ZFYVE26: variants seen among roughly 807,000 people sequenced by gnomAD.
ZFYVE26 encodes the protein zinc finger FYVE-type containing 26.
In ZFYVE26, 181 loss-of-function variants were observed where a neutral mutation model predicts 276.5. That is an observed-to-expected ratio of 0.65 (90% CI 0.58 to 0.74). ZFYVE26 has a LOEUF of 0.74. Among genes scored for constraint, ZFYVE26 ranks in the 30% least tolerant of loss-of-function variants. The pLI is 0.00. For synonymous variants in ZFYVE26, 1,129 were observed against 1,203.1 expected, an observed-to-expected ratio of 0.94 and a Z score of 1.27; for missense variants, 2,821 against 3,097.9, an observed-to-expected ratio of 0.91 and a Z score of 2.12.
intron 13 of ZFYVE26, among the ~76,000 whole-genome samples, chr14:67,732,606 C>T (rs886290477): frequency 2.7e-5 from 4 of 150,670 alleles, no homozygotes; most frequent in Non-Finnish European, 5.9e-5. Flanking sequence ...GACGGAGTTT[C>T]GGTCTTGTCG....
chr14:67,799,723 A>T, intron 10 of ZFYVE26: 1 of 790,094 alleles, frequency 1.3e-6, no homozygotes, highest in Non-Finnish European at 2.1e-6. Flanking sequence ...GTGTCTTTCC[A>T]GCCTGAATTT....
At chr14:67,805,894 G>A (rs535898857) in intron 6 of ZFYVE26, among the ~76,000 whole-genome samples, 3 of 152,276 alleles carry the variant, frequency 2.0e-5, no homozygotes, top group Non-Finnish European at 2.9e-5. Flanking sequence ...CGGCATGGTG[G>A]CACATGCCTG....
At chr14:67,788,810 TG>T (rs2140231558) in intron 16 of ZFYVE26, among the ~76,000 whole-genome samples, 1 of 152,274 alleles carries the variant, frequency 6.6e-6, no homozygotes, top group Non-Finnish European at 1.5e-5. Flanking sequence ...GTCCTTCCAA[TG>T]TTTGGTGCAA....
chr14:67,812,182 A>G (rs1490788524), intron 3 of ZFYVE26, among the ~76,000 whole-genome samples: 1 of 152,128 alleles, frequency 6.6e-6, no homozygotes, highest in Non-Finnish European at 1.5e-5. Flanking sequence ...GTGGTATAGT[A>G]TTTTACATAT....
intron 32 of ZFYVE26, among the ~76,000 whole-genome samples, chr14:67,765,997 C>G (rs948941205): frequency 6.6e-6 from 1 of 152,104 alleles, no homozygotes; most frequent in African/African-American, 2.4e-5. Flanking sequence ...AGAGTAAACT[C>G]TGCTTTGAGG....
Position 67,807,871 on chromosome 14 carries a change from C to A in ZFYVE26, c.413G>T (p.Gly138Val). 1 of 1,613,972 alleles carries A rather than the reference C, an allele frequency of 6.2e-7. No individual in the cohort carries two copies. Among genetic ancestry groups the A allele is most frequent in the Non-Finnish European group, 8.5e-7 (1 of 1,179,894 alleles). ...TQGAVGHVPD[G>V]NPRRESWTPR... Reference sequence around the variant, plus strand: ...AGTCCAGCTCTCCCTCCTTGGATTTCCGTCAGGCACGTGGCCTACTGCACC... The same window carrying A: ...AGTCCAGCTCTCCCTCCTTGGATTTACGTCAGGCACGTGGCCTACTGCACC... The change falls in exon 5 of 42, where the codon GGA becomes GTA. Residue 138 changes from glycine (G) to valine (V), a missense_variant. Gly to Val is a moderately radical substitution (Grantham distance 109, BLOSUM62 -3). Transcript: ENST00000347230.
At chr14:67,804,401 A>C (rs1004847423) in intron 8 of ZFYVE26, 137 bp from the exon 9 acceptor site, 12 of 1,164,540 alleles carry the variant, frequency 1.0e-5, no homozygotes, top group East Asian at 7.7e-5. Flanking sequence ...TCTAAATTTT[A>C]GTTGGTTTGG....
chr14:67,762,721 C>A lies in ZFYVE26; in HGVS notation c.6110G>T (p.Arg2037Met). The A allele has an allele frequency of 6.2e-7, 1 of 1,614,156 alleles. No homozygotes were observed. The highest frequency in any genetic ancestry group is 8.5e-7 in the Non-Finnish European group (1 of 1,180,046). The change falls in exon 33 of 42, where the codon AGG (arginine) becomes ATG (methionine). Residue 2037 changes from arginine to methionine, a missense_variant. Physicochemically the swap from Arg to Met is moderately conservative, Grantham distance 91 (BLOSUM62 -1). Coordinates refer to ENST00000347230, the MANE Select transcript of ZFYVE26 (RefSeq NM_015346.4). ...DQILQPAAVT[R>M]LRNQLLEAEY... Reference sequence around the variant, plus strand: ...GGCTTCCAAAAGCTGGTTCCTTAGCCTGGTTACTGCAGCTGGCTGCAAGAT... The same window carrying A: ...GGCTTCCAAAAGCTGGTTCCTTAGCATGGTTACTGCAGCTGGCTGCAAGAT...
At position 67,785,125 on chromosome 14, in the gene ZFYVE26, C is replaced by G; in HGVS notation, c.3457G>C (p.Gly1153Arg). The G allele has an allele frequency of 6.2e-7, 1 of 1,614,144 alleles. No homozygotes were observed. Among genetic ancestry groups the G allele is most frequent in the Non-Finnish European group, 8.5e-7 (1 of 1,180,026 alleles). The stretch of plus-strand genomic sequence containing the variant: ...GTGCTGCAGTAACTGAAGAAGGTGC[C>G]CAAGTAGTCCATCTGCCTGCTGCCT... Reference protein sequence around the residue: ...PSGSRQMDYLGTFFSYCSTLA... With the variant: ...PSGSRQMDYLRTFFSYCSTLA... The change falls in exon 19 of 42, where the codon GGC (glycine) becomes CGC (arginine). Residue 1153 changes from glycine to arginine, a missense_variant. Gly to Arg is a moderately radical substitution (Grantham distance 125). Coordinates refer to ENST00000347230, the MANE Select transcript of ZFYVE26 (RefSeq NM_015346.4).
At chr14:67,772,025 A>G (rs1040590919) in intron 28 of ZFYVE26, 22 bp downstream of exon 28, 2 of 1,609,072 alleles carry the variant, frequency 1.2e-6, no homozygotes, top group Admixed American at 3.4e-5. Flanking sequence ...TGAGGGTGAC[A>G]GTGGAGACCG....
intron 15 of ZFYVE26, 111 bp from the exon 16 acceptor site, chr14:67,789,709 T>C: frequency 7.2e-7 from 1 of 1,390,372 alleles, no homozygotes; most frequent in Non-Finnish European, 1.0e-6. Context: ...CTGCACAGGG[T>C]ATCTTTCATG....
chr14:67,752,677 C>T, intron 39 of ZFYVE26, 151 bp from the exon 40 acceptor site: 1 of 897,214 alleles, frequency 1.1e-6, no homozygotes, highest in Non-Finnish European at 1.8e-6. Flanking sequence ...AAACAAAAAG[C>T]AAGCGTCAAT....
At position 67,790,612 on chromosome 14, in the gene ZFYVE26, G is replaced by A; in HGVS notation, c.2715C>T (p.Gly905=). The A allele has an allele frequency of 6.2e-7, 1 of 1,614,084 alleles. No homozygotes were observed. The highest frequency in any genetic ancestry group is 2.2e-5 in the East Asian group (1 of 44,878). The change falls in exon 15 of 42, where the codon GGC becomes GGT. Residue 905 remains glycine, a synonymous_variant. Transcript: ENST00000347230. The part of the protein sequence containing the change: ...GSSTIRRTGS[G]RSTLQAIGSA... ...TGCCAATGGCCTGTAGAGTTGAGCGGCCACTGCCAGTTCTCCGAATGGTGC... is the reference window on the plus strand; with the variant it reads ...TGCCAATGGCCTGTAGAGTTGAGCGACCACTGCCAGTTCTCCGAATGGTGC...
chr14:67,790,549 T>C lies in ZFYVE26; in HGVS notation c.2755+23A>G, dbSNP rs368776930. The C allele has an allele frequency of 7.5e-4, 1,201 of 1,611,780 alleles. 3 individuals carry two copies. Among genetic ancestry groups the C allele is most frequent in the Non-Finnish European group, 6.5e-4 (763 of 1,179,174 alleles). On this transcript the variant is annotated intron_variant, in intron 15 of 41. Coordinates refer to ENST00000347230, the MANE Select transcript of ZFYVE26 (RefSeq NM_015346.4). ...CCTCTCCCAGCCACCTCACCACTTA[T>C]GGTGTTAGCAGGGAAGCCTGACCTG... is the stretch of plus-strand genomic sequence containing the variant.
Position 67,748,371 on chromosome 14 carries a change from G to A in ZFYVE26, c.*65C>T. Reference sequence around the variant, plus strand: ...CACTCCACTGGAGGAAAGAGGTGGAGGGCATCGCCATCACTGCTGTTGCCC... The same window carrying A: ...CACTCCACTGGAGGAAAGAGGTGGAAGGCATCGCCATCACTGCTGTTGCCC... On this transcript the variant is annotated 3_prime_UTR_variant, in exon 42 of 42. Coordinates refer to ENST00000347230, the MANE Select transcript of ZFYVE26 (RefSeq NM_015346.4). 6.5e-7 allele frequency: 1 copy of A among 1,546,346 alleles called. No individual in the cohort carries two copies. The highest frequency in any genetic ancestry group is 1.1e-5 in the South Asian group (1 of 87,748).
intron 12 of ZFYVE26, 118 bp from the exon 13 acceptor site, chr14:67,794,357 T>A: frequency 1.0e-6 from 1 of 987,458 alleles, no homozygotes; most frequent in Non-Finnish European, 1.6e-6. Context: ...AATGAATAAC[T>A]ATGACACCTG....
intron 3 of ZFYVE26, among the ~76,000 whole-genome samples, chr14:67,811,818 TG>T (rs1211026992): frequency 6.7e-6 from 1 of 148,220 alleles, no homozygotes; most frequent in African/African-American, 2.5e-5. Flanking sequence ...CAAATTTAAT[TG>T]GTGTATTTAG....
intron 34 of ZFYVE26, 161 bp from the exon 35 acceptor site, chr14:67,761,745 T>C (rs1270992999): frequency 1.6e-6 from 1 of 618,404 alleles, no homozygotes; most frequent in Admixed American, 3.1e-5. Context: ...CCCTAGAACT[T>C]AAAGTATGAT....
At position 67,798,912 on chromosome 14, in the gene ZFYVE26, C is replaced by T. The variant is rs373044466; in HGVS notation, c.1640-290G>A. ...CACCAGGCCCCGCCCCCGGGGAGGG[C>T]GCTGAGCTCCGCTTGGCGCCTCTGA... is the stretch of plus-strand genomic sequence containing the variant. On this transcript the variant is annotated intron_variant, in intron 10 of 41. Transcript: ENST00000347230. 236 of 982,552 alleles carry T rather than the reference C, an allele frequency of 2.4e-4. No individual in the cohort carries two copies. In the Middle Eastern group the frequency reaches 3.8e-3, roughly 16 times the overall value. The allele number at this position is 982,552 out of a possible 1,614,324, so 60.9% of individuals were successfully genotyped here.
Sources: allele counts gnomAD v4.1 joint callset (sites outside exome capture counted in the v4.1 genomes callset), GRCh38; gene constraint gnomAD v4.1.1; transcripts MANE v1.5; gene names NCBI Gene and HGNC (gene_info 2026-07-23, HGNC 2026-07-21).